The following ACSS1 variants were observed in gnomAD, a reference collection of about 807,000 sequenced individuals.
The protein encoded by ACSS1 is acetyl-coenzyme A synthetase 2-like, mitochondrial.
A neutral mutation model predicts 75.3 loss-of-function variants in ACSS1; 42 were observed. That is an observed-to-expected ratio of 0.56 (90% CI 0.44 to 0.72). The LOEUF is 0.72. ACSS1 is among the 30% of genes least tolerant of loss of function. ACSS1 has a pLI of 0.00. For synonymous variants in ACSS1, 380 were observed against 376.8 expected, an observed-to-expected ratio of 1.01 and a Z score of -0.10; for missense variants, 782 against 935.7, an observed-to-expected ratio of 0.84 and a Z score of 2.14.
At chr20:25,024,580 G>GGGTACAAC (rs2088682885) in intron 3 of ACSS1, among the ~76,000 whole-genome samples, 1 of 152,164 alleles carries the variant, frequency 6.6e-6, no homozygotes, top group African/African-American at 2.4e-5. Context: ...TCGACCAATG[G>GGGTACAAC]CTCTCCATAA....
intron 1 of ACSS1, among the ~76,000 whole-genome samples, chr20:25,052,037 G>A (rs774075173): frequency 2.6e-5 from 4 of 152,142 alleles, no homozygotes; most frequent in Non-Finnish European, 5.9e-5. Context: ...GGCACCTGAA[G>A]AAAGCTCCAT....
rs1600329103 is a variant in ACSS1 at position 25,030,877 on chromosome 20, G to A, written c.513C>T (p.Tyr171=). Residue 171 remains tyrosine (Y), a synonymous_variant, in exon 3 of 14, where the codon TAC becomes TAT. Transcript: ENST00000323482. ...CCACAGCCAATGGGGACACGGGCAT[G>A]TAGATGGCAACACGGTCCCCACGGT... ...GVHRGDRVAI[Y]MPVSPLAVAA... 1.9e-6 allele frequency: 3 copies of A among 1,614,126 alleles called. No individual in the cohort carries two copies. The African/African-American group carries it at 4.0e-5, about 22-fold the overall frequency.
At chr20:25,048,304 C>T in intron 1 of ACSS1, 123 bp from the exon 2 acceptor site, 1 of 727,088 alleles carries the variant, frequency 1.4e-6, no homozygotes, top group Non-Finnish European at 2.3e-6. Context: ...TGACAGAGAC[C>T]CTGTCCTCAT....
At chr20:25,009,521 T>C in intron 12 of ACSS1, 133 bp from the exon 13 acceptor site, 1 of 738,110 alleles carries the variant, frequency 1.4e-6, no homozygotes, top group South Asian at 1.7e-5. Context: ...TTGTAGCAGC[T>C]GGTTTCTTTA....
chr20:25,015,244 G>T lies in ACSS1; in HGVS notation c.1247-14C>A. ...TGGGCTCTCCCACTGAAACCACACA[G>T]AAAGAAAAAGATGTTAACAGGCTGC... On this transcript the variant is annotated splice_polypyrimidine_tract_variant and intron_variant, in intron 7 of 13. Coordinates refer to ENST00000323482, the MANE Select transcript of ACSS1 (RefSeq NM_032501.4). The T allele has an allele frequency of 6.3e-7, 1 of 1,584,608 alleles. No individual in the cohort carries two copies. Among genetic ancestry groups the T allele is most frequent in the Non-Finnish European group, 8.6e-7 (1 of 1,163,072 alleles).
Position 25,007,455 on chromosome 20 carries a change from C to T in ACSS1, c.*307G>A. On this transcript the variant is annotated 3_prime_UTR_variant, in exon 14 of 14. Coordinates refer to ENST00000323482, the MANE Select transcript of ACSS1 (RefSeq NM_032501.4). ...CGCGCTATCCCAGGGCCTCACCTTCCTGTGCTGGCTCAAGAGGGCAGAGGA... is the reference window on the plus strand; with the variant it reads ...CGCGCTATCCCAGGGCCTCACCTTCTTGTGCTGGCTCAAGAGGGCAGAGGA... 1 of 1,207,826 alleles carries T rather than the reference C, an allele frequency of 8.3e-7. No individual in the cohort carries two copies. Among genetic ancestry groups the T allele is most frequent in the Non-Finnish European group, 1.0e-6 (1 of 967,398 alleles). The allele number at this position is 1,207,826 out of a possible 1,614,324, so 74.8% of individuals were successfully genotyped here. A position where few individuals can be genotyped will look rare whatever the true frequency, so the allele number is the denominator to read the frequency against.
intron 2 of ACSS1, among the ~76,000 whole-genome samples, chr20:25,042,878 C>G: frequency 6.6e-6 from 1 of 152,186 alleles, no homozygotes; most frequent in Non-Finnish European, 1.5e-5. Context: ...CTCCAGACAC[C>G]CCTCTGGTTT....
rs1372437818 is a variant in ACSS1 at position 25,049,815 on chromosome 20, G to C, written c.335-1634C>G. Among the ~76,000 whole-genome samples the C allele has an allele frequency of 5.3e-5, 8 of 152,096 alleles. No homozygotes were observed. In the East Asian group the frequency reaches 1.5e-3, roughly 29 times the overall value. On this transcript the variant is annotated intron_variant, in intron 1 of 13. Transcript: ENST00000323482. ...AGCTGGATTCAACGCAGGCAGATTG[G>C]CTCCACAGTCTGTCCCACCGCCCCA...
In ACSS1 at chr20:25,006,629, C is replaced by A. The variant is rs956643301; in HGVS notation, c.*1133G>T. Reference sequence around the variant, plus strand: ...CCCCTAAGGGACCCGGCTCACTGGGCCTCCTTCCCCTGCCAACCGCCAGCC... The same window carrying A: ...CCCCTAAGGGACCCGGCTCACTGGGACTCCTTCCCCTGCCAACCGCCAGCC... On this transcript the variant is annotated 3_prime_UTR_variant, in exon 14 of 14. Transcript: ENST00000323482. 1.3e-4 allele frequency: 75 copies of A among 574,880 alleles called. No homozygotes were observed. The Admixed American group carries it at 2.3e-3, about 18-fold the overall frequency. The allele number at this position is 574,880 out of a possible 1,614,324, so 35.6% of individuals were successfully genotyped here.
Position 25,007,110 on chromosome 20 carries a change from A to G in ACSS1, c.*652T>C. 7.1e-7 allele frequency: 1 copy of G among 1,405,480 alleles called. No homozygotes were observed. The highest frequency in any genetic ancestry group is 2.6e-5 in the East Asian group (1 of 38,546). 87.1% of individuals were successfully genotyped at this position (1,405,480 alleles called of 1,614,324 possible). ...AACACTCACCAGGAAAAGATGCCGG[A>G]GGCTTGGAAGTTCTCAAGGGAACTG... On this transcript the variant is annotated 3_prime_UTR_variant, in exon 14 of 14. Coordinates refer to ENST00000323482, the MANE Select transcript of ACSS1 (RefSeq NM_032501.4).
Position 25,057,905 on chromosome 20 carries a change from G to A in ACSS1, c.198C>T (p.Ala66=), listed in dbSNP as rs1307426206. ...GCCCCCAGAAGGCGGCCGGCTCCCG[G>A]GCTGCCTGTGCACTCAGCGCGGGAT... ...GSYPALSAQA[A]REPAAFWGPL... is the part of the protein sequence containing the mutation. Residue 66 remains alanine (A), a synonymous_variant, in exon 1 of 14, where the codon GCC becomes GCT. Coordinates refer to ENST00000323482, the MANE Select transcript of ACSS1 (RefSeq NM_032501.4). The A allele has an allele frequency of 6.2e-7, 1 of 1,612,102 alleles. No homozygotes were observed. The highest frequency in any genetic ancestry group is 1.1e-5 in the South Asian group (1 of 90,972).
intron 2 of ACSS1, among the ~76,000 whole-genome samples, chr20:25,031,457 A>C (rs998995305): frequency 3.3e-5 from 5 of 152,222 alleles, no homozygotes; most frequent in African/African-American, 1.2e-4. Context: ...GCTTTGATGT[A>C]CTTATGCACT....
At position 25,007,643 on chromosome 20, in the gene ACSS1, G is replaced by A; in HGVS notation, c.*119C>T. On this transcript the variant is annotated 3_prime_UTR_variant, in exon 14 of 14. Coordinates refer to ENST00000323482, the MANE Select transcript of ACSS1 (RefSeq NM_032501.4). ...TTCACGTGAGGGCGGTGTGGGTCATGTGTGGGGTGGGGGCTGCTTCTGGGA... is the reference window on the plus strand; with the variant it reads ...TTCACGTGAGGGCGGTGTGGGTCATATGTGGGGTGGGGGCTGCTTCTGGGA... 6.6e-7 allele frequency: 1 copy of A among 1,522,396 alleles called. No homozygotes were observed. The highest frequency in any genetic ancestry group is 8.8e-7 in the Non-Finnish European group (1 of 1,141,628). 94.3% of individuals were successfully genotyped at this position (1,522,396 alleles called of 1,614,324 possible). A position where few individuals can be genotyped will look rare whatever the true frequency, so the allele number is the denominator to read the frequency against.
chr20:25,022,358 GA>G, intron 5 of ACSS1, among the ~76,000 whole-genome samples: 1 of 150,140 alleles, frequency 6.7e-6, no homozygotes, highest in Non-Finnish European at 1.5e-5. Context: ...GAGACTCCAT[GA>G]AAAAACAAAA....
At chr20:25,042,178 G>A (rs536450250) in intron 2 of ACSS1, among the ~76,000 whole-genome samples, 49 of 152,272 alleles carry the variant, frequency 3.2e-4, no homozygotes, top group African/African-American at 1.0e-3. Flanking sequence ...AAACTACGAC[G>A]TGCCAGGACC....
chr20:25,034,774 G>A (rs1194209775), intron 2 of ACSS1, among the ~76,000 whole-genome samples: 1 of 151,616 alleles, frequency 6.6e-6, no homozygotes, highest in Non-Finnish European at 1.5e-5. Context: ...CTCCATGTTG[G>A]TCAGGCTGGT....
At chr20:25,024,324 G>T (rs1402665873) in intron 3 of ACSS1, among the ~76,000 whole-genome samples, 1 of 152,198 alleles carries the variant, frequency 6.6e-6, no homozygotes, top group African/African-American at 2.4e-5. Flanking sequence ...AGAGAAGAGG[G>T]GTGCACGCAC....
intron 1 of ACSS1, 57 bp from the exon 2 acceptor site, chr20:25,048,238 G>A (rs774124726): frequency 6.6e-5 from 101 of 1,535,264 alleles, no homozygotes; most frequent in Admixed American, 5.8e-4. Flanking sequence ...GTGAGAATTC[G>A]GCCAGGTTGA....
In ACSS1 at chr20:25,007,697, C is replaced by A; in HGVS notation, c.*65G>T. Reference sequence around the variant, plus strand: ...AGGAAGACGCCAACCTCAGGGGTACCTTCTGGGAAGGACAAGCCAGGGCTT... The same window carrying A: ...AGGAAGACGCCAACCTCAGGGGTACATTCTGGGAAGGACAAGCCAGGGCTT... On this transcript the variant is annotated 3_prime_UTR_variant, in exon 14 of 14. Coordinates refer to ENST00000323482, the MANE Select transcript of ACSS1 (RefSeq NM_032501.4). The A allele has an allele frequency of 1.3e-6, 2 of 1,582,320 alleles. No homozygotes were observed. The highest frequency in any genetic ancestry group is 1.7e-6 in the Non-Finnish European group (2 of 1,164,122).
Sources: allele counts gnomAD v4.1 joint callset (sites outside exome capture counted in the v4.1 genomes callset), GRCh38; gene constraint gnomAD v4.1.1; transcripts MANE v1.5; gene names NCBI Gene and HGNC (gene_info 2026-07-23, HGNC 2026-07-21).